The following FRMD4A variants were observed in gnomAD, a reference collection of about 807,000 sequenced individuals.
The protein encoded by FRMD4A is FERM domain containing 4A.
Under a neutral mutation model 129.1 loss-of-function variants are expected in FRMD4A, and 29 were observed. That is an observed-to-expected ratio of 0.22 (90% CI 0.17 to 0.31). The LOEUF (loss-of-function observed/expected upper bound fraction) is 0.31. FRMD4A is among the 10% of genes least tolerant of loss of function. The pLI is 1.00. For missense variants in FRMD4A, 1,272 were observed against 1,375.8 expected (o/e 0.92, Z 1.19); for synonymous variants, 634 against 571.6 (o/e 1.11, Z -1.56).
chr10:14,089,628 A>G (rs1564280234), intron 2 of FRMD4A, among the ~76,000 whole-genome samples: 1 of 32,526 alleles, frequency 3.1e-5, no homozygotes. Flanking sequence ...CAAAAAAAAA[A>G]ACAAAAAAAA....
At chr10:14,055,017 G>C (rs1030304926) in intron 2 of FRMD4A, among the ~76,000 whole-genome samples, 2 of 152,088 alleles carry the variant, frequency 1.3e-5, no homozygotes, top group African/African-American at 4.8e-5. Context: ...AGCAGTGTGA[G>C]AATGGACGCA....
chr10:13,725,282 G>GGGGGCA (rs2089804478), intron 12 of FRMD4A, among the ~76,000 whole-genome samples: 1 of 152,182 alleles, frequency 6.6e-6, no homozygotes, highest in African/African-American at 2.4e-5. Context: ...AATAATGGCA[G>GGGGGCA]GGGGCAGGGG....
chr10:14,053,458 C>T (rs1183618416), intron 2 of FRMD4A, among the ~76,000 whole-genome samples: 1 of 152,180 alleles, frequency 6.6e-6, no homozygotes, highest in African/African-American at 2.4e-5. Context: ...CCCAGCCCTG[C>T]TGATCTACCC....
chr10:13,965,486 G>C (rs1242662426), intron 2 of FRMD4A, among the ~76,000 whole-genome samples: 1 of 152,104 alleles, frequency 6.6e-6, no homozygotes, highest in Non-Finnish European at 1.5e-5. Context: ...TTCATATATA[G>C]GACACACAAT....
intron 16 of FRMD4A, among the ~76,000 whole-genome samples, chr10:13,673,768 G>GTT (rs1564576576): frequency 1.5e-5 from 2 of 133,370 alleles, no homozygotes; most frequent in African/African-American, 6.1e-5. Context: ...AGAAAGCATT[G>GTT]CTTTTTTTTT....
chr10:14,143,210 A>G (rs1196205473), intron 2 of FRMD4A, among the ~76,000 whole-genome samples: 1 of 152,264 alleles, frequency 6.6e-6, no homozygotes, highest in African/African-American at 2.4e-5. Context: ...TTTGCAATAA[A>G]CAAGAATTGG....
chr10:13,882,931 G>A (rs1350261189), intron 2 of FRMD4A, among the ~76,000 whole-genome samples: 1 of 151,764 alleles, frequency 6.6e-6, no homozygotes, highest in Non-Finnish European at 1.5e-5. Flanking sequence ...AGTCTCCCAA[G>A]TAGCCGGGAC....
chr10:14,224,795 G>A (rs1382039531), intron 2 of FRMD4A, among the ~76,000 whole-genome samples: 1 of 152,206 alleles, frequency 6.6e-6, no homozygotes, highest in Non-Finnish European at 1.5e-5. Context: ...TCATTTCACT[G>A]GCCTGAAGCT....
At chr10:14,000,706 G>A (rs947006479) in intron 2 of FRMD4A, among the ~76,000 whole-genome samples, 12 of 141,598 alleles carry the variant, frequency 8.5e-5, no homozygotes, top group Non-Finnish European at 1.7e-4. Flanking sequence ...TTGAGAACAC[G>A]ATTGACTTTG....
chr10:14,020,983 C>T (rs996205873), intron 2 of FRMD4A, among the ~76,000 whole-genome samples: 4 of 152,168 alleles, frequency 2.6e-5, no homozygotes, highest in African/African-American at 9.7e-5. Flanking sequence ...GCATCAGACA[C>T]ACCCCTGGAC....
At chr10:13,903,706 T>TA (rs140275457) in intron 2 of FRMD4A, among the ~76,000 whole-genome samples, 46,507 of 149,514 alleles carry the variant, frequency 0.31, 7,451 homozygotes, top group East Asian at 0.47. Flanking sequence ...ACCCCATCTC[T>TA]AAAAAAATAA....
intron 2 of FRMD4A, among the ~76,000 whole-genome samples, chr10:14,239,270 T>C (rs1311421846): frequency 6.6e-6 from 1 of 152,232 alleles, no homozygotes; most frequent in African/African-American, 2.4e-5. Context: ...TAATTTGCTC[T>C]AATTAAAAGT....
At chr10:14,294,944 CAG>C (rs1209461839) in intron 2 of FRMD4A, among the ~76,000 whole-genome samples, 2 of 152,154 alleles carry the variant, frequency 1.3e-5, no homozygotes, top group Non-Finnish European at 2.9e-5. Flanking sequence ...ATCCTGGTAT[CAG>C]GGGGATGGGA....
intron 2 of FRMD4A, among the ~76,000 whole-genome samples, chr10:14,040,340 C>A (rs1291641042): frequency 2.6e-5 from 4 of 151,734 alleles, no homozygotes; most frequent in Admixed American, 2.6e-4. Context: ...GGAAGCAAAG[C>A]TGGGTAAGAA....
chr10:14,125,099 G>A (rs1392422352), intron 2 of FRMD4A, among the ~76,000 whole-genome samples: 5 of 152,116 alleles, frequency 3.3e-5, no homozygotes, highest in South Asian at 2.1e-4. Context: ...AGCTATCACC[G>A]GAATGCAGCA....
chr10:13,843,748 T>C (rs1263133349), intron 3 of FRMD4A, among the ~76,000 whole-genome samples: 2 of 152,206 alleles, frequency 1.3e-5, no homozygotes, highest in Non-Finnish European at 2.9e-5. Flanking sequence ...TCTACCTGTC[T>C]CAGCCTCCCA....
At chr10:13,755,447 G>C (rs2091820194) in intron 8 of FRMD4A, among the ~76,000 whole-genome samples, 1 of 152,126 alleles carries the variant, frequency 6.6e-6, no homozygotes, top group African/African-American at 2.4e-5. Context: ...ACCATCCCAT[G>C]GTTTATAGAA....
chr10:14,219,378 T>G (rs542814545), intron 2 of FRMD4A, among the ~76,000 whole-genome samples: 2 of 152,268 alleles, frequency 1.3e-5, no homozygotes, highest in African/African-American at 4.8e-5. Context: ...CAAGTGAAAT[T>G]AGGTAATCCA....
At chr10:14,101,263 GA>G (rs566720035) in intron 2 of FRMD4A, among the ~76,000 whole-genome samples, 109 of 152,272 alleles carry the variant, frequency 7.2e-4, no homozygotes, top group African/African-American at 2.4e-3. Flanking sequence ...GGATCTCCCA[GA>G]ACTTTCTACA....
Sources: allele counts gnomAD v4.1 joint callset (sites outside exome capture counted in the v4.1 genomes callset), GRCh38; gene constraint gnomAD v4.1.1; transcripts MANE v1.5; gene names NCBI Gene and HGNC (gene_info 2026-07-23, HGNC 2026-07-21).